Variants in SLC14A2 observed in about 807,000 individuals in gnomAD.
SLC14A2 encodes the protein solute carrier family 14 member 2.
In SLC14A2, 91 loss-of-function variants were observed where a neutral mutation model predicts 104.6. The observed-to-expected ratio is 0.87, with a 90% confidence interval of 0.73 to 1.04. SLC14A2 has a LOEUF of 1.04. Among genes scored for constraint, SLC14A2 ranks in the 50% least tolerant of loss-of-function variants. The probability of loss-of-function intolerance (pLI) is 0.00; values close to 1 mark genes in which losing one functional copy is unlikely to be tolerated. For missense variants in SLC14A2, 1,189 were observed against 1,156.0 expected, an observed-to-expected ratio of 1.03 and a Z score of -0.41; for synonymous variants, 476 against 466.4, an observed-to-expected ratio of 1.02 and a Z score of -0.27.
At chr18:45,619,599 A>T (rs927809148) in intron 1 of SLC14A2, among the ~76,000 whole-genome samples, 12 of 152,284 alleles carry the variant, frequency 7.9e-5, no homozygotes, top group African/African-American at 2.9e-4. Context: ...TGGGCAGCCA[A>T]GGAGAGTCTG....
intron 1 of SLC14A2, among the ~76,000 whole-genome samples, chr18:45,424,828 A>G (rs117140677): frequency 1.5e-3 from 227 of 152,344 alleles, no homozygotes; most frequent in Middle Eastern, 0.014. Context: ...AGTTTGCTAT[A>G]GCAACCACTT....
intron 1 of SLC14A2, among the ~76,000 whole-genome samples, chr18:45,295,028 G>A (rs1243535741): frequency 1.3e-5 from 2 of 151,976 alleles, no homozygotes; most frequent in African/African-American, 2.4e-5. Flanking sequence ...TACATACATC[G>A]ATTACCTCCA....
upstream of SLC14A2, among the ~76,000 whole-genome samples, chr18:45,610,831 C>T (rs1308274640): frequency 6.6e-6 from 1 of 152,202 alleles, no homozygotes; most frequent in Non-Finnish European, 1.5e-5. Context: ...CACAGATCAC[C>T]AATGAGGTGG....
At chr18:45,372,778 A>G (rs548894451) in intron 1 of SLC14A2, among the ~76,000 whole-genome samples, 1 of 152,356 alleles carries the variant, frequency 6.6e-6, no homozygotes, top group African/African-American at 2.4e-5. Flanking sequence ...CCATGGATGG[A>G]ATTTTAAATT....
At chr18:45,623,750 C>G (rs975793454) in intron 1 of SLC14A2, among the ~76,000 whole-genome samples, 21 of 152,112 alleles carry the variant, frequency 1.4e-4, no homozygotes, top group Admixed American at 1.4e-3. Context: ...GAGAGACGGT[C>G]CTACACTGAA....
At chr18:45,210,828 A>G (rs2083955198), upstream of SLC14A2, among the ~76,000 whole-genome samples, 1 of 152,212 alleles carries the variant, frequency 6.6e-6, no homozygotes, top group South Asian at 2.1e-4. Flanking sequence ...ATAACGTGAT[A>G]TAGAATATGG....
intron 5 of SLC14A2, chr18:45,634,926 A>AT: frequency 4.4e-6 from 2 of 456,000 alleles, no homozygotes; most frequent in Middle Eastern, 3.2e-4. Context: ...CAGTGTTTAG[A>AT]TTAGAGTGAT....
intron 2 of SLC14A2, among the ~76,000 whole-genome samples, chr18:45,525,463 C>A (rs1314708177): frequency 6.6e-6 from 1 of 152,186 alleles, no homozygotes; most frequent in Non-Finnish European, 1.5e-5. Context: ...TAGAGATATG[C>A]AGCTTAGATA....
intron 18 of SLC14A2, among the ~76,000 whole-genome samples, chr18:45,678,591 T>C (rs1315856763): frequency 6.6e-6 from 1 of 152,240 alleles, no homozygotes; most frequent in East Asian, 1.9e-4. Context: ...AAACCCATAT[T>C]ATGTTAATAA....
At chr18:45,379,500 G>A (rs2253347) in intron 1 of SLC14A2, among the ~76,000 whole-genome samples, 19,241 of 152,044 alleles carry the variant, frequency 0.13, 2,609 homozygotes, top group African/African-American at 0.34. Flanking sequence ...CCTGGTTTCA[G>A]AACCACCCTT....
chr18:45,278,816 G>A (rs1437275991), intron 1 of SLC14A2, among the ~76,000 whole-genome samples: 1 of 152,076 alleles, frequency 6.6e-6, no homozygotes, highest in African/African-American at 2.4e-5. Context: ...CTGTATTATC[G>A]ATTATAATTT....
chr18:45,465,594 A>G (rs114521785), intron 1 of SLC14A2, among the ~76,000 whole-genome samples: 1,611 of 151,926 alleles, frequency 0.011, 25 homozygotes, highest in African/African-American at 0.037. Context: ...CCATGCATGC[A>G]TCCATCCATC....
intron 2 of SLC14A2, among the ~76,000 whole-genome samples, chr18:45,545,912 T>TTAA (rs1418364231): frequency 2.0e-5 from 3 of 152,252 alleles, no homozygotes; most frequent in Non-Finnish European, 4.4e-5. Context: ...ATTAAGTTGT[T>TTAA]AGGACATAAG....
upstream of SLC14A2, among the ~76,000 whole-genome samples, chr18:45,211,150 T>C (rs377341502): frequency 3.3e-5 from 5 of 152,196 alleles, no homozygotes; most frequent in African/African-American, 9.6e-5. Flanking sequence ...CTATTGTGAT[T>C]TCCATCCAGT....
Position 45,675,912 on chromosome 18 carries a change from G to A in SLC14A2, c.2512+2095G>A, listed in dbSNP as rs555290765. ...AGGGCCCATTGATAGGCAACCAGGA[G>A]GCAGTGAGAGCAGGAGGGAATGATA... On this transcript the variant is annotated intron_variant, in intron 18 of 19. Coordinates refer to ENST00000255226, the MANE Select transcript of SLC14A2 (RefSeq NM_007163.4). Among the ~76,000 whole-genome samples, 511 of 151,870 alleles carry A rather than the reference G, an allele frequency of 3.4e-3. 1 individual carries two copies. The highest frequency in any genetic ancestry group is 0.014 in the South Asian group (69 of 4,806).
intron 1 of SLC14A2, among the ~76,000 whole-genome samples, chr18:45,278,759 A>T (rs2084730564): frequency 6.6e-6 from 1 of 152,202 alleles, no homozygotes; most frequent in Admixed American, 6.5e-5. Flanking sequence ...AAAAATCCAC[A>T]TATAAATGAA....
At chr18:45,438,286 G>A (rs2086628699) in intron 1 of SLC14A2, 1 of 152,174 alleles carries the variant, frequency 6.6e-6, no homozygotes, top group African/African-American at 2.4e-5. Flanking sequence ...CAGGATGAGG[G>A]GGTAGGGTGG....
chr18:45,677,385 G>A (rs1211382896), intron 18 of SLC14A2, among the ~76,000 whole-genome samples: 1 of 152,154 alleles, frequency 6.6e-6, no homozygotes, highest in African/African-American at 2.4e-5. Flanking sequence ...CGGGGGCCTT[G>A]GTAGTGCTTG....
At chr18:45,232,659 CAA>C (rs1288690905) in intron 1 of SLC14A2, among the ~76,000 whole-genome samples, 3 of 152,180 alleles carry the variant, frequency 2.0e-5, no homozygotes, top group African/African-American at 7.2e-5. Flanking sequence ...TGAACCAACT[CAA>C]GAGACTGTAT....
Sources: allele counts gnomAD v4.1 joint callset (sites outside exome capture counted in the v4.1 genomes callset), GRCh38; gene constraint gnomAD v4.1.1; transcripts MANE v1.5; gene names NCBI Gene and HGNC (gene_info 2026-07-23, HGNC 2026-07-21).